The following PRKG1 variants were observed in gnomAD, a reference collection of about 807,000 sequenced individuals.
The protein encoded by PRKG1 is cGMP-dependent protein kinase 1.
Under a neutral mutation model 88.1 loss-of-function variants are expected in PRKG1, and 35 were observed. That is an observed-to-expected ratio of 0.40 (90% CI 0.30 to 0.53). The LOEUF is 0.53. Ranked by LOEUF, PRKG1 falls within the 20% of genes least tolerant of loss-of-function variation. The pLI is 0.59. For missense variants in PRKG1, 540 were observed against 839.8 expected, an observed-to-expected ratio of 0.64 and a Z score of 4.41; for synonymous variants, 303 against 292.5, an observed-to-expected ratio of 1.04 and a Z score of -0.37.
chr10:51,736,433 A>G (rs1837282682), intron 3 of PRKG1, among the ~76,000 whole-genome samples: 1 of 152,196 alleles, frequency 6.6e-6, no homozygotes, highest in Non-Finnish European at 1.5e-5. Context: ...TTTATTAAAC[A>G]CATTCATCCC....
At chr10:52,217,067 G>A (rs1348704943) in intron 9 of PRKG1, among the ~76,000 whole-genome samples, 1 of 152,122 alleles carries the variant, frequency 6.6e-6, no homozygotes, top group East Asian at 1.9e-4. Flanking sequence ...TGTGGGAACT[G>A]TTCAGAGCTG....
At chr10:51,881,797 T>C (rs1271758218) in intron 4 of PRKG1, among the ~76,000 whole-genome samples, 1 of 152,198 alleles carries the variant, frequency 6.6e-6, no homozygotes, top group Non-Finnish European at 1.5e-5. Context: ...TATAGCATAT[T>C]TGAAATGCCT....
chr10:52,241,111 A>G (rs540900680), intron 9 of PRKG1, among the ~76,000 whole-genome samples: 1 of 152,282 alleles, frequency 6.6e-6, no homozygotes, highest in African/African-American at 2.4e-5. Flanking sequence ...CAAACATCCA[A>G]GACGTATTTT....
At chr10:51,123,884 G>C (rs1845330253) in intron 1 of PRKG1, among the ~76,000 whole-genome samples, 1 of 152,038 alleles carries the variant, frequency 6.6e-6, no homozygotes, top group African/African-American at 2.4e-5. Flanking sequence ...AAGCAGGCGC[G>C]AGAGAGTGAA....
intron 9 of PRKG1, chr10:52,185,116 CAAA>C (rs1839156782): frequency 6.6e-6 from 1 of 152,192 alleles, no homozygotes; most frequent in African/African-American, 2.4e-5. Context: ...GTGTCAAGTC[CAAA>C]GTCTTAAGTC....
chr10:52,089,536 G>C (rs1734655587), intron 7 of PRKG1, among the ~76,000 whole-genome samples: 2 of 152,050 alleles, frequency 1.3e-5, no homozygotes, highest in Admixed American at 1.3e-4. Context: ...ATAATAGAAA[G>C]ATCTTACAAG....
intron 8 of PRKG1, among the ~76,000 whole-genome samples, chr10:52,160,626 T>A (rs1838252863): frequency 6.6e-6 from 1 of 151,994 alleles, no homozygotes; most frequent in Admixed American, 6.6e-5. Flanking sequence ...TTCCTCTTTA[T>A]AGTTTTTCAA....
intron 9 of PRKG1, among the ~76,000 whole-genome samples, chr10:52,196,890 G>A (rs967486443): frequency 3.9e-5 from 6 of 152,222 alleles, no homozygotes; most frequent in Non-Finnish European, 5.9e-5. Context: ...TACTAATTAT[G>A]ATATAGACAT....
chr10:51,346,091 C>T (rs781326418), intron 2 of PRKG1, among the ~76,000 whole-genome samples: 9 of 152,140 alleles, frequency 5.9e-5, no homozygotes, highest in Non-Finnish European at 1.2e-4. Flanking sequence ...GTGATGTTTC[C>T]AATAGCTGTC....
chr10:51,348,691 G>A lies in PRKG1; in HGVS notation c.479-119032G>A, dbSNP rs149193010. Among the ~76,000 whole-genome samples the A allele has an allele frequency of 9.6e-4, 146 of 152,250 alleles. 1 individual carries two copies. The highest frequency in any genetic ancestry group is 3.0e-3 in the African/African-American group (124 of 41,542). ...CTTTAAGGAAGTCTAGTGAGAACTCGACCTTGGTCTCATTTCTTGCACTAA... is the reference window on the plus strand; with the variant it reads ...CTTTAAGGAAGTCTAGTGAGAACTCAACCTTGGTCTCATTTCTTGCACTAA... On this transcript the variant is annotated intron_variant, in intron 2 of 17. Transcript: ENST00000373980.
At chr10:52,250,016 C>A (rs1841134487) in intron 9 of PRKG1, among the ~76,000 whole-genome samples, 1 of 152,120 alleles carries the variant, frequency 6.6e-6, no homozygotes, top group Admixed American at 6.6e-5. Context: ...CAACAGATGT[C>A]TTTTTTCAGC....
intron 1 of PRKG1, among the ~76,000 whole-genome samples, chr10:51,066,963 C>A (rs753831404): frequency 9.2e-5 from 14 of 151,950 alleles, no homozygotes; most frequent in Non-Finnish European, 2.1e-4. Flanking sequence ...AACATATTTG[C>A]CTGCTTAAGA....
upstream of PRKG1, among the ~76,000 whole-genome samples, chr10:51,074,095 C>G (rs866826347): frequency 1.3e-5 from 2 of 149,930 alleles, no homozygotes; most frequent in African/African-American, 4.9e-5. Flanking sequence ...CCCACCTCCC[C>G]ACCCCCGAAG....
At chr10:51,632,106 C>G (rs1458630398) in intron 3 of PRKG1, among the ~76,000 whole-genome samples, 1 of 140,510 alleles carries the variant, frequency 7.1e-6, no homozygotes, top group Admixed American at 7.2e-5. Context: ...TTTTTTTTTG[C>G]AATTTTTCTT....
intron 2 of PRKG1, among the ~76,000 whole-genome samples, chr10:51,297,832 C>T (rs10490971): frequency 0.15 from 23,176 of 151,960 alleles, 1,887 homozygotes; most frequent in African/African-American, 0.2. Flanking sequence ...ATAATGATTA[C>T]GATAATGCCT....
intron 4 of PRKG1, among the ~76,000 whole-genome samples, chr10:51,889,665 G>C (rs1226913062): frequency 6.6e-6 from 1 of 152,180 alleles, no homozygotes; most frequent in East Asian, 1.9e-4. Flanking sequence ...CTAGTTTACA[G>C]TCCCACCAAC....
intron 2 of PRKG1, among the ~76,000 whole-genome samples, chr10:51,160,923 T>C (rs1846343978): frequency 1.3e-5 from 2 of 151,930 alleles, no homozygotes; most frequent in South Asian, 4.2e-4. Context: ...TGTGTGTCCA[T>C]GAAGGTACAT....
chr10:52,213,100 A>G (rs970388973), intron 9 of PRKG1, among the ~76,000 whole-genome samples: 5 of 152,210 alleles, frequency 3.3e-5, no homozygotes, highest in Non-Finnish European at 7.3e-5. Flanking sequence ...GGCTCTGAAT[A>G]TAAGTCAGTC....
chr10:51,432,517 A>T (rs1838799039), intron 2 of PRKG1, among the ~76,000 whole-genome samples: 1 of 152,198 alleles, frequency 6.6e-6, no homozygotes, highest in African/African-American at 2.4e-5. Context: ...ATGTTTAAAC[A>T]GATGAATGAA....
Sources: gnomAD v4.1 joint callset for allele counts (sites outside exome capture counted in the v4.1 genomes callset) on GRCh38, gnomAD v4.1.1 for gene constraint, MANE v1.5 for transcripts, NCBI Gene and HGNC (gene_info 2026-07-23, HGNC 2026-07-21) for gene names.